TRIM44: variants seen among roughly 807,000 people sequenced by gnomAD.
TRIM44 encodes tripartite motif containing 44.
Under a neutral mutation model 37.4 loss-of-function variants are expected in TRIM44, and 13 were observed. The ratio of observed to expected loss-of-function variants is 0.35; its 90% CI spans 0.23 to 0.55. The LOEUF is 0.55. TRIM44 is among the 20% of genes least tolerant of loss of function. TRIM44 has a pLI of 0.89. For synonymous variants in TRIM44, 175 were observed against 157.2 expected, an observed-to-expected ratio of 1.11 and a Z score of -0.85; for missense variants, 426 against 437.2, an observed-to-expected ratio of 0.97 and a Z score of 0.23.
chr11:35,788,981 G>C (rs558653424), intron 4 of TRIM44, among the ~76,000 whole-genome samples: 1 of 152,222 alleles, frequency 6.6e-6, no homozygotes, highest in South Asian at 2.1e-4. Context: ...TCAGCCTGAG[G>C]CCCTAAAAAT....
chr11:35,668,772 G>T (rs1407852842), intron 1 of TRIM44, among the ~76,000 whole-genome samples: 1 of 152,132 alleles, frequency 6.6e-6, no homozygotes, highest in African/African-American at 2.4e-5. Context: ...TAGTATTTTT[G>T]ACTATGGACT....
At chr11:35,741,036 G>A (rs867349996) in intron 4 of TRIM44, among the ~76,000 whole-genome samples, 1 of 152,006 alleles carries the variant, frequency 6.6e-6, no homozygotes, top group African/African-American at 2.4e-5. Context: ...GATACGCTTA[G>A]GTTTCTTTTG....
chr11:35,817,059 A>G lies in TRIM44; in HGVS notation c.*10674A>G, dbSNP rs1853590227. The G allele has an allele frequency of 6.6e-6, 1 of 152,208 alleles. No homozygotes were observed. The highest frequency in any genetic ancestry group is 2.1e-4 in the South Asian group (1 of 4,828). 9.4% of individuals were successfully genotyped at this position (152,208 alleles called of 1,614,324 possible). On this transcript the variant is annotated 3_prime_UTR_variant, in exon 5 of 5. Coordinates refer to ENST00000299413, the MANE Select transcript of TRIM44 (RefSeq NM_017583.6). ...TCTGTAACTCTTTGAAGGTTGTATTAGTCGTTTGCTCCTATATTACTAATG... is the reference window on the plus strand; with the variant it reads ...TCTGTAACTCTTTGAAGGTTGTATTGGTCGTTTGCTCCTATATTACTAATG...
At position 35,663,191 on chromosome 11, in the gene TRIM44, C is replaced by G; in HGVS notation, c.80C>G (p.Pro27Arg). The change falls in exon 1 of 5, where the codon CCG (proline) becomes CGG (arginine). Residue 27 changes from proline to arginine, a missense_variant. Coordinates refer to ENST00000299413, the MANE Select transcript of TRIM44 (RefSeq NM_017583.6). ...GACGAGTGCGAGCCCGACGAGGCTC[C>G]GGGGGCCGAGGAAGTGTGCCGAGAA... ...TCDECEPDEA[P>R]GAEEVCRECG... 6.3e-7 allele frequency: 1 copy of G among 1,588,678 alleles called. No individual in the cohort carries two copies. Among genetic ancestry groups the G allele is most frequent in the Non-Finnish European group, 8.6e-7 (1 of 1,167,168 alleles).
chr11:35,757,794 T>G (rs1485948231), intron 4 of TRIM44, among the ~76,000 whole-genome samples: 1 of 152,244 alleles, frequency 6.6e-6, no homozygotes, highest in African/African-American at 2.4e-5. Flanking sequence ...TCAGTTTCCA[T>G]GTAGTTGAGC....
intron 1 of TRIM44, among the ~76,000 whole-genome samples, chr11:35,674,290 C>T (rs77034250): frequency 5.1e-4 from 78 of 151,642 alleles, no homozygotes; most frequent in Non-Finnish European, 9.4e-4. Flanking sequence ...ATGTATATAT[C>T]GCTATGATAG....
intron 3 of TRIM44, among the ~76,000 whole-genome samples, chr11:35,735,134 C>T (rs1852312351): frequency 6.6e-6 from 1 of 152,168 alleles, no homozygotes; most frequent in Non-Finnish European, 1.5e-5. Flanking sequence ...CTAAATACTG[C>T]CAGCCATACA....
At chr11:35,802,487 T>C (rs182119832) in intron 4 of TRIM44, among the ~76,000 whole-genome samples, 1 of 152,158 alleles carries the variant, frequency 6.6e-6, no homozygotes, top group African/African-American at 2.4e-5. Context: ...ACAGGCATGT[T>C]TCTGAGAAGG....
intron 4 of TRIM44, among the ~76,000 whole-genome samples, chr11:35,779,129 C>G (rs1350315724): frequency 6.6e-6 from 1 of 152,190 alleles, no homozygotes; most frequent in Non-Finnish European, 1.5e-5. Context: ...GTTTGCCACT[C>G]AAGCCTCAGC....
intron 2 of TRIM44, among the ~76,000 whole-genome samples, chr11:35,715,675 G>T (rs1461984916): frequency 6.6e-6 from 1 of 151,980 alleles, no homozygotes; most frequent in Non-Finnish European, 1.5e-5. Context: ...TTCTTGCATT[G>T]GTATAAAGAA....
chr11:35,788,418 G>T (rs1033545919), intron 4 of TRIM44, among the ~76,000 whole-genome samples: 17 of 152,142 alleles, frequency 1.1e-4, no homozygotes, highest in African/African-American at 4.1e-4. Flanking sequence ...GGGAGGGGTA[G>T]GGGACATAAG....
chr11:35,680,498 A>G (rs1170279101), intron 1 of TRIM44, among the ~76,000 whole-genome samples: 1 of 152,052 alleles, frequency 6.6e-6, no homozygotes, highest in African/African-American at 2.4e-5. Flanking sequence ...GGTACATACA[A>G]CCTACCTCAT....
rs893011587 is a variant in TRIM44, at chr11:35,693,658, A to T, written c.747+8322A>T. On this transcript the variant is annotated intron_variant, in intron 2 of 4. Coordinates refer to ENST00000299413, the MANE Select transcript of TRIM44 (RefSeq NM_017583.6). ...CAATGGCCTCCCATAGTTTTGTTTT[A>T]AAAAATTTCCCCTTTTGACCAGGTT... Among the ~76,000 whole-genome samples the T allele has an allele frequency of 1.4e-4, 21 of 152,268 alleles. No individual in the cohort carries two copies. In the East Asian group the frequency reaches 3.1e-3, roughly 22 times the overall value.
At chr11:35,800,798 G>A (rs915076952) in intron 4 of TRIM44, among the ~76,000 whole-genome samples, 1 of 152,178 alleles carries the variant, frequency 6.6e-6, no homozygotes, top group Non-Finnish European at 1.5e-5. Flanking sequence ...AAGTCTATAT[G>A]TTGGAGGGAA....
chr11:35,741,949 G>T (rs951106988), intron 4 of TRIM44, among the ~76,000 whole-genome samples: 1 of 151,998 alleles, frequency 6.6e-6, no homozygotes. Context: ...ATTTATTTAT[G>T]AGACAGGGAC....
At chr11:35,670,859 C>T (rs1042053419) in intron 1 of TRIM44, among the ~76,000 whole-genome samples, 2 of 152,212 alleles carry the variant, frequency 1.3e-5, no homozygotes, top group African/African-American at 4.8e-5. Flanking sequence ...AAGAGCATGA[C>T]ATTTGCTCTT....
In TRIM44 at chr11:35,816,516, G is replaced by C. The variant is rs1006181021; in HGVS notation, c.*10131G>C. 2 of 152,204 alleles carry C rather than the reference G, an allele frequency of 1.3e-5. No individual in the cohort carries two copies. Among genetic ancestry groups the C allele is most frequent in the African/African-American group, 4.8e-5 (2 of 41,440 alleles). 9.4% of individuals were successfully genotyped at this position (152,204 alleles called of 1,614,324 possible). On this transcript the variant is annotated 3_prime_UTR_variant, in exon 5 of 5. Coordinates refer to ENST00000299413, the MANE Select transcript of TRIM44 (RefSeq NM_017583.6). ...TTATGTGTGTAATTGGGGAACAGAA[G>C]GGTCTCTAGAGGGTAGACCTAAGAG... is the stretch of plus-strand genomic sequence containing the variant.
intron 4 of TRIM44, among the ~76,000 whole-genome samples, chr11:35,756,932 G>A (rs1005395598): frequency 4.4e-4 from 67 of 152,214 alleles, no homozygotes; most frequent in Admixed American, 1.4e-3. Flanking sequence ...GGATTTTGGC[G>A]TCGATGTTCA....
chr11:35,778,167 T>G (rs146871333), intron 4 of TRIM44, among the ~76,000 whole-genome samples: 1 of 152,210 alleles, frequency 6.6e-6, no homozygotes, highest in African/African-American at 2.4e-5. Context: ...TTTTACTCTT[T>G]TTTCTCTAAA....
Sources: gnomAD v4.1 joint callset for allele counts (sites outside exome capture counted in the v4.1 genomes callset) on GRCh38, gnomAD v4.1.1 for gene constraint, MANE v1.5 for transcripts, NCBI Gene and HGNC (gene_info 2026-07-23, HGNC 2026-07-21) for gene names.